Variants in USP36 observed in about 807,000 individuals in gnomAD.
USP36 encodes ubiquitin carboxyl-terminal hydrolase 36.
Under a neutral mutation model 111.5 loss-of-function variants are expected in USP36, and 59 were observed. That is an observed-to-expected ratio of 0.53 (90% CI 0.43 to 0.66). The LOEUF is 0.66. USP36 is among the 30% of genes least tolerant of loss of function. The pLI is 0.00. For missense variants in USP36, 1,488 were observed against 1,468.0 expected (o/e 1.01, Z -0.22); for synonymous variants, 628 against 581.0 (o/e 1.08, Z -1.16).
At chr17:78,811,165 A>G (rs1248603601) in intron 13 of USP36, among the ~76,000 whole-genome samples, 2 of 106,994 alleles carry the variant, frequency 1.9e-5, no homozygotes, top group African/African-American at 3.2e-5. Flanking sequence ...AGAAACAGTC[A>G]TCAAGAGGGT....
At position 78,799,613 on chromosome 17, in the gene USP36, C is replaced by T. The variant is rs74001257; in HGVS notation, c.3124+54G>A. 0.011 allele frequency: 16,818 copies of T among 1,555,178 alleles called. 1,468 individuals are homozygous for T. The African/African-American group carries it at 0.2, about 18-fold the overall frequency. On this transcript the variant is annotated intron_variant, in intron 18 of 20. Coordinates refer to ENST00000449938, the MANE Select transcript of USP36 (RefSeq NM_001385174.1). ...CAGGATCCATTCCACACCCTTCCCT[C>T]CTACAAAACCAACCAATGAAAGGCA... is the stretch of plus-strand genomic sequence containing the variant.
At chr17:78,790,068 G>A (rs986924819) in intron 3 of USP36, among the ~76,000 whole-genome samples, 4 of 152,006 alleles carry the variant, frequency 2.6e-5, no homozygotes, top group African/African-American at 9.7e-5. Flanking sequence ...AGCCACATAA[G>A]ACAGAAAAAT....
At chr17:78,801,167 G>A (rs993647288) in intron 17 of USP36, among the ~76,000 whole-genome samples, 6 of 151,808 alleles carry the variant, frequency 4.0e-5, no homozygotes, top group Admixed American at 2.6e-4. Flanking sequence ...TAGTAGAGAC[G>A]GGGTTTCACC....
At chr17:78,812,039 A>G (rs2094072144) in intron 13 of USP36, among the ~76,000 whole-genome samples, 1 of 152,058 alleles carries the variant, frequency 6.6e-6, no homozygotes, top group South Asian at 2.1e-4. Flanking sequence ...AAATTTAAAA[A>G]TTAGCTGGGT....
intron 3 of USP36, among the ~76,000 whole-genome samples, chr17:78,790,418 G>A (rs1310146444): frequency 6.6e-6 from 1 of 152,148 alleles, no homozygotes; most frequent in East Asian, 1.9e-4. Context: ...AGCCTCCCGA[G>A]TAGCTGGGAC....
chr17:78,806,548 G>A (rs938702410), intron 14 of USP36, among the ~76,000 whole-genome samples: 2 of 152,184 alleles, frequency 1.3e-5, no homozygotes, highest in African/African-American at 2.4e-5. Flanking sequence ...TCCACGTGCC[G>A]TGGCTGCCCA....
intron 3 of USP36, among the ~76,000 whole-genome samples, chr17:78,790,173 C>T (rs1036361595): frequency 2.6e-5 from 4 of 152,164 alleles, no homozygotes; most frequent in East Asian, 3.9e-4. Context: ...ACTGCAACCT[C>T]GGCTTTCCAG....
At chr17:78,813,271 A>AGACC (rs34947941) in intron 12 of USP36, among the ~76,000 whole-genome samples, 73,938 of 151,216 alleles carry the variant, frequency 0.49, 18,214 homozygotes, top group Non-Finnish European at 0.53. Context: ...GAAAGCAAGA[A>AGACC]CCTCAAACAC....
downstream of USP36, among the ~76,000 whole-genome samples, chr17:78,791,289 C>A (rs2093582131): frequency 6.6e-6 from 1 of 152,110 alleles, no homozygotes; most frequent in Non-Finnish European, 1.5e-5. Flanking sequence ...CATGCACCAC[C>A]ATGCCCGGCT....
At chr17:78,827,033 C>T (rs1162831835) in intron 6 of USP36, 12 of 690,736 alleles carry the variant, frequency 1.7e-5, no homozygotes, top group Middle Eastern at 2.5e-4. Flanking sequence ...ACCAGCAGGA[C>T]GTCTCCGGAG....
Position 78,807,138 on chromosome 17 carries a change from G to A in USP36, c.1906C>T (p.His636Tyr), listed in dbSNP as rs762666876. Residue 636 changes from histidine to tyrosine, a missense_variant, in exon 14 of 21, where the codon CAT (histidine) becomes TAT (tyrosine). Around this residue, in one of 3 missense-constraint regions of USP36, gnomAD observed 1,073 missense variants for 994.1 expected, o/e 1.08. Transcript: ENST00000449938. ...TTCGTTTCCTGAGAATCGCAGAGATGGGCCGCTCCACTCCTGGGGGTCTGG... is the reference window on the plus strand; with the variant it reads ...TTCGTTTCCTGAGAATCGCAGAGATAGGCCGCTCCACTCCTGGGGGTCTGG... ...APQTPRSGAA[H>Y]LCDSQETNCS... 9 of 1,614,116 alleles carry A rather than the reference G, an allele frequency of 5.6e-6. No homozygotes were observed. Among genetic ancestry groups the A allele is most frequent in the East Asian group, 2.2e-5 (1 of 44,890 alleles).
rs139956557 is a variant in USP36, at chr17:78,810,479, G to A, written c.1407+2381C>T. On this transcript the variant is annotated intron_variant, in intron 13 of 20. Transcript: ENST00000449938. The stretch of plus-strand genomic sequence containing the variant: ...GCTTTTGCATTTTTAGTAGAGACAG[G>A]GTTTTGCCCAGGTTGGTCTCGAACT... 3.0e-3 allele frequency among the ~76,000 whole-genome samples: 462 copies of A among 152,108 alleles called. 3 individuals carry two copies. Among genetic ancestry groups the A allele is most frequent in the African/African-American group, 9.9e-3 (410 of 41,490 alleles).
Position 78,804,438 on chromosome 17 carries a change from C to T in USP36, c.2217-460G>A, listed in dbSNP as rs8079955. Among the ~76,000 whole-genome samples, 37 of 138,034 alleles carry T rather than the reference C, an allele frequency of 2.7e-4. No homozygotes were observed. The South Asian group carries it at 2.9e-3, about 11-fold the overall frequency. 90.6% of individuals were successfully genotyped at this position (138,034 alleles called of 152,430 possible). The stretch of plus-strand genomic sequence containing the variant: ...TCGCGCCACTGCACTCCAGCCTGGG[C>T]GACAAAGCAAGACTCCGTCTCAAAA... On this transcript the variant is annotated intron_variant, in intron 15 of 20. Coordinates refer to ENST00000449938, the MANE Select transcript of USP36 (RefSeq NM_001385174.1).
chr17:78,792,860 A>G (rs543687981), downstream of USP36, among the ~76,000 whole-genome samples: 1 of 152,234 alleles, frequency 6.6e-6, no homozygotes, highest in South Asian at 2.1e-4. Context: ...TTGGGATTAC[A>G]GGCACAGGCC....
At chr17:78,827,475 T>A in intron 5 of USP36, 128 bp from the exon 6 acceptor site, 1 of 833,018 alleles carries the variant, frequency 1.2e-6, no homozygotes, top group Middle Eastern at 3.1e-4. Flanking sequence ...AAGGAACAAG[T>A]GAGGAAAACA....
intron 5 of USP36, 121 bp downstream of exon 5, chr17:78,828,776 G>T: frequency 1.0e-6 from 1 of 962,714 alleles, no homozygotes; most frequent in Non-Finnish European, 1.5e-6. Context: ...AGGCCAAAAC[G>T]GAAGGACTGC....
At chr17:78,837,367 T>A (rs1223799097) in intron 2 of USP36, among the ~76,000 whole-genome samples, 2 of 151,898 alleles carry the variant, frequency 1.3e-5, no homozygotes, top group Non-Finnish European at 2.9e-5. Context: ...AGTGGGGAGA[T>A]CACAGGCTTT....
At chr17:78,807,757 T>C (rs984142131) in intron 13 of USP36, 121 bp from the exon 14 acceptor site, 8 of 994,544 alleles carry the variant, frequency 8.0e-6, no homozygotes, top group Non-Finnish European at 8.4e-6. Flanking sequence ...ATGCTCAAGA[T>C]AAATTATTTA....
chr17:78,831,302 C>T (rs191509549), intron 4 of USP36, among the ~76,000 whole-genome samples: 3 of 141,512 alleles, frequency 2.1e-5, no homozygotes, highest in Admixed American at 1.4e-4. Context: ...AACCTAACTT[C>T]AGGTAAGATA....
Sources: gnomAD v4.1 joint callset for allele counts (sites outside exome capture counted in the v4.1 genomes callset) on GRCh38, gnomAD v4.1.1 for gene constraint, gnomAD v4.1.1 regional missense constraint, MANE v1.5 for transcripts, NCBI Gene and HGNC (gene_info 2026-07-23, HGNC 2026-07-21) for gene names.